Variants in FREM3 observed in about 807,000 individuals in gnomAD.
The protein encoded by FREM3 is FRAS1-related extracellular matrix protein 3.
Under a neutral mutation model 129.1 loss-of-function variants are expected in FREM3, and 105 were observed. That is an observed-to-expected ratio of 0.81 (90% confidence interval 0.69 to 0.96). The LOEUF (loss-of-function observed/expected upper bound fraction) is 0.96, where lower values mean the gene tolerates loss of function less well. Ranked by LOEUF, FREM3 falls within the 40% of genes least tolerant of loss-of-function variation. FREM3 has a pLI of 0.00. For missense variants in FREM3, 2,593 were observed against 2,666.3 expected (o/e 0.97, Z 0.61); for synonymous variants, 1,014 against 1,044.9 (o/e 0.97, Z 0.57).
At chr4:143,695,076 C>G (rs1740540107) in intron 1 of FREM3, among the ~76,000 whole-genome samples, 1 of 152,144 alleles carries the variant, frequency 6.6e-6, no homozygotes, top group Non-Finnish European at 1.5e-5. Context: ...GAATTTATAT[C>G]CAAAATCTAG....
At chr4:143,674,971 G>A (rs555189943) in intron 2 of FREM3, among the ~76,000 whole-genome samples, 21 of 152,208 alleles carry the variant, frequency 1.4e-4, no homozygotes, top group African/African-American at 4.3e-4. Context: ...CTGAACATTA[G>A]ACAGATCAAC....
intron 6 of FREM3, among the ~76,000 whole-genome samples, chr4:143,608,991 T>G (rs563765667): frequency 6.6e-6 from 1 of 152,254 alleles, no homozygotes; most frequent in South Asian, 2.1e-4. Flanking sequence ...TGTGTATGGG[T>G]GGTGTTTATT....
chr4:143,674,255 G>T (rs536034530), intron 2 of FREM3, among the ~76,000 whole-genome samples: 8 of 152,282 alleles, frequency 5.3e-5, no homozygotes, highest in Admixed American at 1.3e-4. Flanking sequence ...TTAAAGAAAA[G>T]AATTTTCATC....
Position 143,627,622 on chromosome 4 carries a change from G to T in FREM3, c.5414C>A (p.Ser1805Ter), listed in dbSNP as rs1739063522. Residue 1805 changes from serine (S) to a stop codon, truncating the protein, a stop_gained, in exon 3 of 8, where the codon TCA (serine) becomes TAA (stop). Coordinates refer to ENST00000329798, the MANE Select transcript of FREM3 (RefSeq NM_001168235.2). LOFTEE classifies it high-confidence loss of function. Reference sequence around the variant, plus strand: ...AATCCAAAGTTACTTACTGATAAATGATGTTTCTCCAAGGTATCCTCTGCG... The same window carrying T: ...AATCCAAAGTTACTTACTGATAAATTATGTTTCTCCAAGGTATCCTCTGCG... Reference protein sequence around the residue: ...LTRRGYLGETSFISIGTKDET... With the variant: ...LTRRGYLGET The T allele has an allele frequency of 1.1e-5, 17 of 1,535,918 alleles. No homozygotes were observed. The highest frequency in any genetic ancestry group is 1.5e-5 in the Non-Finnish European group (17 of 1,145,918).
Position 143,698,102 on chromosome 4 carries a change from G to T in FREM3, c.2574C>A (p.Asp858Glu). 1 of 1,537,438 alleles carries T rather than the reference G, an allele frequency of 6.5e-7. No individual in the cohort carries two copies. The highest frequency in any genetic ancestry group is 8.7e-7 in the Non-Finnish European group (1 of 1,146,964). The change falls in exon 1 of 8, where the codon GAC becomes GAA. Residue 858 changes from aspartate (D) to glutamate (E), a missense_variant. Asp to Glu is a conservative substitution (Grantham distance 45). Around this residue, in one of 2 missense-constraint regions of FREM3, gnomAD observed 2,276 missense variants for 2,267.2 expected, o/e 1.00. Coordinates refer to ENST00000329798, the MANE Select transcript of FREM3 (RefSeq NM_001168235.2). Reference protein sequence around the residue: ...SSNELHVTDPDTDIDQIVFIL... With the variant: ...SSNELHVTDPETDIDQIVFIL... Reference sequence around the variant, plus strand: ...TGAAGACAATTTGGTCAATGTCTGTGTCTGGGTCTGTAACATGCAGCTCAT... The same window carrying T: ...TGAAGACAATTTGGTCAATGTCTGTTTCTGGGTCTGTAACATGCAGCTCAT...
At position 143,611,625 on chromosome 4, in the gene FREM3, A is replaced by G. The variant is rs1005684749; in HGVS notation, c.5780-98T>C. 15 of 1,069,092 alleles carry G rather than the reference A, an allele frequency of 1.4e-5. No homozygotes were observed. The African/African-American group carries it at 2.4e-4, about 17-fold the overall frequency. The allele number at this position is 1,069,092 out of a possible 1,614,324, so 66.2% of individuals were successfully genotyped here. A position where few individuals can be genotyped will look rare whatever the true frequency, so the allele number is the denominator to read the frequency against. On this transcript the variant is annotated intron_variant, in intron 5 of 7. Transcript: ENST00000329798. ...TTTAATGTATTTTTAGATAATAGCT[A>G]TCTGAATGATACAACACACTTACCT...
chr4:143,674,511 G>A (rs976149699), intron 2 of FREM3, among the ~76,000 whole-genome samples: 21 of 152,106 alleles, frequency 1.4e-4, no homozygotes, highest in Admixed American at 1.0e-3. Context: ...GGCTGACATC[G>A]TAATGATAGG....
rs1738752535 is a variant in FREM3, at chr4:143,611,382, T to C, written c.5925A>G (p.Glu1975=). 6.5e-7 allele frequency: 1 copy of C among 1,537,154 alleles called. No individual in the cohort carries two copies. Among genetic ancestry groups the C allele is most frequent in the Admixed American group, 2.0e-5 (1 of 51,006 alleles). The change falls in exon 6 of 8, where the codon GAA becomes GAG. Residue 1975 remains glutamate, a synonymous_variant. Coordinates refer to ENST00000329798, the MANE Select transcript of FREM3 (RefSeq NM_001168235.2). Reference sequence around the variant, plus strand: ...GTGAAACGCTGAAGGATTCCTCCTCTTCATAAAGGGAGTCATCAATGATCA... The same window carrying C: ...GTGAAACGCTGAAGGATTCCTCCTCCTCATAAAGGGAGTCATCAATGATCA... ...QVLIIDDSLY[E]EEESFSVSLR...
chr4:143,678,127 C>T (rs1222682378), intron 2 of FREM3, among the ~76,000 whole-genome samples: 2 of 152,162 alleles, frequency 1.3e-5, no homozygotes, highest in African/African-American at 4.8e-5. Flanking sequence ...ATAGCAAAGA[C>T]TTGGAACCAA....
At chr4:143,618,134 A>T (rs998355007) in intron 5 of FREM3, among the ~76,000 whole-genome samples, 9 of 152,192 alleles carry the variant, frequency 5.9e-5, no homozygotes, top group Non-Finnish European at 1.2e-4. Context: ...CAGAAGGACC[A>T]TCCAAATGAA....
At chr4:143,686,017 A>G (rs1218639149) in intron 2 of FREM3, among the ~76,000 whole-genome samples, 1 of 152,150 alleles carries the variant, frequency 6.6e-6, no homozygotes, top group East Asian at 1.9e-4. Context: ...ATATATATAT[A>G]TGATACAGAA....
intron 3 of FREM3, among the ~76,000 whole-genome samples, chr4:143,625,401 C>T (rs745446216): frequency 3.3e-5 from 5 of 152,178 alleles, no homozygotes; most frequent in African/African-American, 4.8e-5. Context: ...TCCTTGGCCT[C>T]ATACTCAAAT....
intron 2 of FREM3, among the ~76,000 whole-genome samples, chr4:143,630,557 T>C (rs1403271426): frequency 1.3e-5 from 2 of 152,174 alleles, no homozygotes; most frequent in African/African-American, 4.8e-5. Flanking sequence ...TAAGAAAATA[T>C]GAAAGCATCA....
chr4:143,633,061 T>TC (rs1739167388), intron 2 of FREM3, among the ~76,000 whole-genome samples: 1 of 152,158 alleles, frequency 6.6e-6, no homozygotes, highest in Non-Finnish European at 1.5e-5. Context: ...AGGCTGCAGG[T>TC]CAACTGCATA....
At position 143,695,560 on chromosome 4, in the gene FREM3, T is replaced by G. The variant is rs951123674; in HGVS notation, c.5116A>C (p.Arg1706=). 1 of 1,537,340 alleles carries G rather than the reference T, an allele frequency of 6.5e-7. No homozygotes were observed. The highest frequency in any genetic ancestry group is 2.0e-5 in the Admixed American group (1 of 50,988). ...PHRLLKYKVT[R]GPEHGFIIKT... is the part of the protein sequence containing the mutation. Reference sequence around the variant, plus strand: ...ATAATGAAGCCATGCTCTGGTCCTCTGGTCACTTTATACTTCAGAAGCCTG... The same window carrying G: ...ATAATGAAGCCATGCTCTGGTCCTCGGGTCACTTTATACTTCAGAAGCCTG... The change falls in exon 1 of 8, where the codon AGA becomes CGA. Residue 1706 remains arginine, a synonymous_variant. Coordinates refer to ENST00000329798, the MANE Select transcript of FREM3 (RefSeq NM_001168235.2).
At chr4:143,685,683 C>A (rs1252403017) in intron 2 of FREM3, among the ~76,000 whole-genome samples, 1 of 152,212 alleles carries the variant, frequency 6.6e-6, no homozygotes, top group Non-Finnish European at 1.5e-5. Flanking sequence ...TCAATACTTA[C>A]ATTGAATGTC....
At chr4:143,625,030 A>T (rs573720568) in intron 3 of FREM3, among the ~76,000 whole-genome samples, 4 of 152,232 alleles carry the variant, frequency 2.6e-5, no homozygotes, top group African/African-American at 9.6e-5. Flanking sequence ...AAGAGATTTG[A>T]GCTCTGTTAG....
chr4:143,664,280 T>C (rs1739806422), intron 2 of FREM3, among the ~76,000 whole-genome samples: 1 of 152,158 alleles, frequency 6.6e-6, no homozygotes, highest in African/African-American at 2.4e-5. Flanking sequence ...ATGTCCTTTC[T>C]GTTTGTTAGT....
chr4:143,677,258 TC>T (rs1740153235), intron 2 of FREM3, among the ~76,000 whole-genome samples: 1 of 152,196 alleles, frequency 6.6e-6, no homozygotes, highest in Admixed American at 6.5e-5. Context: ...AACTATCTGA[TC>T]TTTGACAAAC....
Sources: allele counts gnomAD v4.1 joint callset (sites outside exome capture counted in the v4.1 genomes callset), GRCh38; gene constraint gnomAD v4.1.1; regional missense constraint gnomAD v4.1.1; transcripts MANE v1.5; gene names NCBI Gene and HGNC (gene_info 2026-07-23, HGNC 2026-07-21).